Variants in BLK observed in about 807,000 individuals in gnomAD.
BLK encodes tyrosine-protein kinase Blk.
Under a neutral mutation model 61.8 loss-of-function variants are expected in BLK, and 64 were observed. The ratio of observed to expected loss-of-function variants is 1.03; its 90% CI spans 0.85 to 1.27. The LOEUF is 1.27. BLK is among the 50% of genes most tolerant of loss of function. BLK has a pLI of 0.00. For synonymous variants in BLK, 351 were observed against 272.0 expected, an observed-to-expected ratio of 1.29 and a Z score of -2.86; for missense variants, 853 against 660.5, an observed-to-expected ratio of 1.29 and a Z score of -3.19.
At chr8:11,561,243 G>T in intron 10 of BLK, 59 bp from the exon 11 acceptor site, 1 of 1,582,044 alleles carries the variant, frequency 6.3e-7, no homozygotes. Flanking sequence ...ACACAGTGTG[G>T]GCTCGGTCTT....
intron 9 of BLK, 129 bp from the exon 10 acceptor site, chr8:11,557,833 A>G (rs1469331289): frequency 1.7e-5 from 13 of 758,008 alleles, no homozygotes; most frequent in Middle Eastern, 5.6e-4. Flanking sequence ...TTCCTGATGC[A>G]CCGAGAGATC....
intron 6 of BLK, among the ~76,000 whole-genome samples, chr8:11,551,549 C>T (rs1019666420): frequency 3.3e-5 from 5 of 152,178 alleles, no homozygotes; most frequent in Non-Finnish European, 7.3e-5. Context: ...GAATTGGGAG[C>T]GCACATGATT....
At chr8:11,510,201 A>G (rs887336324) in intron 1 of BLK, among the ~76,000 whole-genome samples, 37 of 152,172 alleles carry the variant, frequency 2.4e-4, no homozygotes, top group Admixed American at 2.4e-3. Flanking sequence ...GGGAGATGAA[A>G]CATTCATTTG....
rs1292585499 is a variant in BLK at position 11,504,363 on chromosome 8, GGAAGAAAGAAAAGA to G, written c.-2+9773_-2+9786del. On this transcript the variant is annotated intron_variant, in intron 1 of 12. Transcript: ENST00000259089. ...AGGGAGGAAGGAAGGAAGGAAGGAA[GGAAGAAAGAAAAGA>G]AAAGAAAAGAAAAGAAAAGAAAAGA... Among the ~76,000 whole-genome samples the G allele has an allele frequency of 2.7e-3, 277 of 102,462 alleles. 1 individual carries two copies. Among genetic ancestry groups the G allele is most frequent in the Middle Eastern group, 0.014 (3 of 210 alleles). The allele number at this position is 102,462 out of a possible 152,430, so 67.2% of individuals were successfully genotyped here.
rs751182980 is a variant in BLK at position 11,556,682 on chromosome 8, T to C, written c.797T>C (p.Val266Ala). 1.9e-6 allele frequency: 3 copies of C among 1,613,994 alleles called. No homozygotes were observed. Among genetic ancestry groups the C allele is most frequent in the Non-Finnish European group, 2.5e-6 (3 of 1,180,032 alleles). ...GGTTACTACAAAAACAACATGAAGG[T>C]GGCCATTAAGACGCTGAAGGAGGGA... Reference protein sequence around the residue: ...WMGYYKNNMKVAIKTLKEGTM... With the variant: ...WMGYYKNNMKAAIKTLKEGTM... The change falls in exon 9 of 13, where the codon GTG (valine) becomes GCG (alanine). Residue 266 changes from valine (V) to alanine (A), a missense_variant. Val to Ala is a moderately conservative substitution (Grantham distance 64). Coordinates refer to ENST00000259089, the MANE Select transcript of BLK (RefSeq NM_001715.3).
chr8:11,538,205 C>T, intron 1 of BLK, among the ~76,000 whole-genome samples: 1 of 152,214 alleles, frequency 6.6e-6, no homozygotes, highest in East Asian at 1.9e-4. Flanking sequence ...CTCTCACAAA[C>T]ATACACAGAC....
chr8:11,564,160 C>T lies in BLK; in HGVS notation c.*52C>T. 1 of 1,526,166 alleles carries T rather than the reference C, an allele frequency of 6.6e-7. No individual in the cohort carries two copies. The highest frequency in any genetic ancestry group is 8.8e-7 in the Non-Finnish European group (1 of 1,139,020). The allele number at this position is 1,526,166 out of a possible 1,614,324, so 94.5% of individuals were successfully genotyped here. A position where few individuals can be genotyped will look rare whatever the true frequency, so the allele number is the denominator to read the frequency against. On this transcript the variant is annotated 3_prime_UTR_variant, in exon 13 of 13. Coordinates refer to ENST00000259089, the MANE Select transcript of BLK (RefSeq NM_001715.3). ...CCCACCTCTGCGCGGACGACCCCGA[C>T]TTCCGTGCCATCCCAGACGGGCCGC...
At chr8:11,528,597 A>G (rs1421885484) in intron 1 of BLK, among the ~76,000 whole-genome samples, 1 of 152,122 alleles carries the variant, frequency 6.6e-6, no homozygotes, top group African/African-American at 2.4e-5. Context: ...TCCTGCTGAC[A>G]GGGGGCATAT....
intron 1 of BLK, among the ~76,000 whole-genome samples, chr8:11,534,871 A>G (rs1800047142): frequency 6.6e-6 from 1 of 152,206 alleles, no homozygotes; most frequent in Non-Finnish European, 1.5e-5. Flanking sequence ...GCTGGCATTT[A>G]AAAGTATTGC....
chr8:11,540,390 T>A (rs112661039), intron 1 of BLK, among the ~76,000 whole-genome samples: 119 of 152,352 alleles, frequency 7.8e-4, no homozygotes, highest in African/African-American at 2.6e-3. Context: ...ATGATTGTTG[T>A]CTACTTTTAT....
chr8:11,559,544 TAC>T (rs1291432870), intron 10 of BLK, among the ~76,000 whole-genome samples: 6 of 151,758 alleles, frequency 4.0e-5, no homozygotes, highest in Non-Finnish European at 5.9e-5. Flanking sequence ...CACGCAAACT[TAC>T]ACACACATGA....
intron 7 of BLK, among the ~76,000 whole-genome samples, chr8:11,555,115 C>T (rs1165464998): frequency 6.6e-6 from 1 of 152,156 alleles, no homozygotes; most frequent in Admixed American, 6.5e-5. Context: ...CATTTTCAGT[C>T]TTAGAGTGAG....
At chr8:11,563,209 CAG>C (rs933006303) in intron 12 of BLK, 99 bp downstream of exon 12, 2 of 1,551,040 alleles carry the variant, frequency 1.3e-6, no homozygotes, top group Admixed American at 1.8e-5. Flanking sequence ...CTGTTCTTTT[CAG>C]AGTGAGTCCC....
chr8:11,509,170 G>GGT (rs1288864330), intron 1 of BLK: 8 of 152,148 alleles, frequency 5.3e-5, no homozygotes, highest in African/African-American at 1.9e-4. Context: ...ACGAAAAGTT[G>GGT]GCAATCCTCT....
Position 11,549,918 on chromosome 8 carries a change from G to T in BLK, c.369-241G>T. On this transcript the variant is annotated intron_variant, in intron 5 of 12. Transcript: ENST00000259089. ...AATTAACAAAGGTCAACCAACTAGTGTTCTTGTTTCGTTCTAGGAAAACAG... is the reference window on the plus strand; with the variant it reads ...AATTAACAAAGGTCAACCAACTAGTTTTCTTGTTTCGTTCTAGGAAAACAG... 7.3e-6 allele frequency: 4 copies of T among 550,670 alleles called. No homozygotes were observed. In the South Asian group the frequency reaches 7.8e-5, roughly 11 times the overall value. The allele number at this position is 550,670 out of a possible 1,614,324, so 34.1% of individuals were successfully genotyped here.
At chr8:11,561,853 C>G (rs900498507) in intron 11 of BLK, among the ~76,000 whole-genome samples, 1 of 150,140 alleles carries the variant, frequency 6.7e-6, no homozygotes, top group South Asian at 2.1e-4. Context: ...GATGGAGTCT[C>G]TGTCACCCAG....
At chr8:11,511,899 C>G (rs1799022212) in intron 1 of BLK, among the ~76,000 whole-genome samples, 1 of 152,092 alleles carries the variant, frequency 6.6e-6, no homozygotes, top group Non-Finnish European at 1.5e-5. Flanking sequence ...GTAAATGAAA[C>G]TATTTACTCT....
At chr8:11,499,975 T>A (rs927325518) in intron 1 of BLK, among the ~76,000 whole-genome samples, 6 of 152,066 alleles carry the variant, frequency 3.9e-5, no homozygotes, top group African/African-American at 1.2e-4. Flanking sequence ...CACTAGGAAA[T>A]GAATATATAA....
rs5889374 is a variant in BLK, at chr8:11,535,261, GAAGAAAGAAAGAAAGAAAGAAAGA to G, written c.-1-7922_-1-7899del. On this transcript the variant is annotated intron_variant, in intron 1 of 12. Coordinates refer to ENST00000259089, the MANE Select transcript of BLK (RefSeq NM_001715.3). Reference sequence around the variant, plus strand: ...AAAAGAAGGAAAGGAAAGAAAGAAAGAAGAAAGAAAGAAAGAAAGAAAGAAAGAAAGAAAGAAAGAAAGAAAGAA... The same window carrying G: ...AAAAGAAGGAAAGGAAAGAAAGAAAGAAGAAAGAAAGAAAGAAAGAAAGAA... Among the ~76,000 whole-genome samples, 44 of 110,534 alleles carry G rather than the reference GAAGAAAGAAAGAAAGAAAGAAAGA, an allele frequency of 4.0e-4. 1 individual carries two copies. Among genetic ancestry groups the G allele is most frequent in the East Asian group, 1.3e-3 (5 of 3,902 alleles). 72.5% of individuals were successfully genotyped at this position (110,534 alleles called of 152,430 possible).
Sources: gnomAD v4.1 joint callset for allele counts (sites outside exome capture counted in the v4.1 genomes callset) on GRCh38, gnomAD v4.1.1 for gene constraint, MANE v1.5 for transcripts, NCBI Gene and HGNC (gene_info 2026-07-23, HGNC 2026-07-21) for gene names.